GOLGA3: variants seen among roughly 807,000 people sequenced by gnomAD.
GOLGA3 encodes golgin A3.
Under a neutral mutation model 169.4 loss-of-function variants are expected in GOLGA3, and 75 were observed. The ratio of observed to expected loss-of-function variants is 0.44; its 90% CI spans 0.37 to 0.54. GOLGA3 has a LOEUF of 0.54. Among genes scored for constraint, GOLGA3 ranks in the 20% least tolerant of loss-of-function variants. The pLI is 0.00. For missense variants in GOLGA3, 1,899 were observed against 1,930.0 expected, an observed-to-expected ratio of 0.98 and a Z score of 0.30; for synonymous variants, 824 against 822.4, an observed-to-expected ratio of 1.00 and a Z score of -0.03.
intron 11 of GOLGA3, among the ~76,000 whole-genome samples, chr12:132,793,700 A>C (rs1378582651): frequency 7.1e-6 from 1 of 140,388 alleles, no homozygotes; most frequent in African/African-American, 2.8e-5. Context: ...CGGGACCCGC[A>C]CTCGGAGGGC....
intron 4 of GOLGA3, among the ~76,000 whole-genome samples, chr12:132,810,457 A>G (rs1271479216): frequency 6.6e-6 from 1 of 152,196 alleles, no homozygotes; most frequent in Non-Finnish European, 1.5e-5. Flanking sequence ...TAGATCTTAG[A>G]TATGATTATA....
rs771429316 is a variant in GOLGA3 at position 132,773,239 on chromosome 12, C to T, written c.4363G>A (p.Glu1455Lys). 9.0e-6 allele frequency: 14 copies of T among 1,549,568 alleles called. No individual in the cohort carries two copies. The highest frequency in any genetic ancestry group is 1.7e-4 in the Middle Eastern group (1 of 5,764). The change falls in exon 24 of 24, where the codon GAG (glutamate) becomes AAG (lysine). Residue 1455 changes from glutamate (E) to lysine (K), a missense_variant. Coordinates refer to ENST00000450791, the MANE Select transcript of GOLGA3 (RefSeq NM_001389683.1). Reference protein sequence around the residue: ...QMEEHALTVHESLSSWTPLEP... With the variant: ...QMEEHALTVHKSLSSWTPLEP... ...AGCGGCGTCCACGAGGACAGAGACT[C>T]GTGCACCGTCAGGGCGTGCTCCTCC... is the stretch of plus-strand genomic sequence containing the variant.
intron 4 of GOLGA3, among the ~76,000 whole-genome samples, chr12:132,811,277 G>A (rs1949696581): frequency 6.6e-6 from 1 of 152,056 alleles, no homozygotes; most frequent in Non-Finnish European, 1.5e-5. Flanking sequence ...CGCACACAGG[G>A]AGAAAACCCA....
Position 132,808,551 on chromosome 12 carries a change from TGA to T in GOLGA3, c.520-4_520-3del. The T allele has an allele frequency of 6.4e-7, 1 of 1,567,658 alleles. No homozygotes were observed. On this transcript the variant is annotated splice_region_variant and splice_polypyrimidine_tract_variant and intron_variant, in intron 4 of 23. Coordinates refer to ENST00000450791, the MANE Select transcript of GOLGA3 (RefSeq NM_001389683.1). ...CGTTTTGGTTGCAGGTTGACTGGAC[TGA>T]GAAGAAAACAAAAGTACAAAAATTA...
chr12:132,778,249 C>T (rs949964868), intron 18 of GOLGA3, among the ~76,000 whole-genome samples: 2 of 151,932 alleles, frequency 1.3e-5, no homozygotes, highest in African/African-American at 4.8e-5. Flanking sequence ...TGCACTCCAG[C>T]TGGGGTGACA....
chr12:132,782,986 A>C (rs545494203), intron 16 of GOLGA3, among the ~76,000 whole-genome samples: 2 of 152,300 alleles, frequency 1.3e-5, no homozygotes, highest in South Asian at 4.1e-4. Flanking sequence ...TTGGGAGGTC[A>C]GGGGTTTGAG....
At chr12:132,802,077 G>C in intron 7 of GOLGA3, 108 bp from the exon 8 acceptor site, 1 of 818,030 alleles carries the variant, frequency 1.2e-6, no homozygotes. Context: ...GACCAAGAAT[G>C]AGTCAGTTCC....
intron 2 of GOLGA3, among the ~76,000 whole-genome samples, chr12:132,819,063 A>G (rs1950104634): frequency 6.9e-6 from 1 of 144,458 alleles, no homozygotes; most frequent in African/African-American, 2.9e-5. Flanking sequence ...GCCAGTTCAC[A>G]GTCAAAGAAC....
Position 132,769,915 on chromosome 12 carries a change from C to T in GOLGA3, c.*3190G>A, listed in dbSNP as rs894827347. 6.6e-6 allele frequency: 1 copy of T among 152,068 alleles called. No homozygotes were observed. Among genetic ancestry groups the T allele is most frequent in the Non-Finnish European group, 1.5e-5 (1 of 68,000 alleles). The allele number at this position is 152,068 out of a possible 1,614,324, so 9.4% of individuals were successfully genotyped here. A position where few individuals can be genotyped will look rare whatever the true frequency, so the allele number is the denominator to read the frequency against. On this transcript the variant is annotated 3_prime_UTR_variant, in exon 24 of 24. Coordinates refer to ENST00000450791, the MANE Select transcript of GOLGA3 (RefSeq NM_001389683.1). ...GAGAGTCCCTTGGAGATAAAAAAACCTCAACAATAAAAAAAAGCAATTTAA... is the reference window on the plus strand; with the variant it reads ...GAGAGTCCCTTGGAGATAAAAAAACTTCAACAATAAAAAAAAGCAATTTAA...
At chr12:132,799,566 A>G (rs1218058044) in intron 8 of GOLGA3, among the ~76,000 whole-genome samples, 3 of 152,164 alleles carry the variant, frequency 2.0e-5, no homozygotes, top group Non-Finnish European at 4.4e-5. Context: ...TTTGAGCCCA[A>G]CAGGTCAAGG....
intron 1 of GOLGA3, among the ~76,000 whole-genome samples, chr12:132,826,630 G>A (rs754948212): frequency 6.6e-6 from 1 of 152,080 alleles, no homozygotes; most frequent in Non-Finnish European, 1.5e-5. Flanking sequence ...TCACAAAGAC[G>A]GCCCCTCTTT....
chr12:132,798,179 T>TA (rs1555257633), intron 9 of GOLGA3, among the ~76,000 whole-genome samples, 161 bp downstream of exon 9: 1 of 37,774 alleles, frequency 2.6e-5, no homozygotes, highest in Non-Finnish European at 4.6e-5. Flanking sequence ...GGATGAGGGG[T>TA]GGGGGGGGGG....
intron 1 of GOLGA3, among the ~76,000 whole-genome samples, chr12:132,828,066 T>C (rs897975319): frequency 6.6e-6 from 1 of 152,124 alleles, no homozygotes; most frequent in African/African-American, 2.4e-5. Flanking sequence ...TCCTCCGCCC[T>C]CAGGGTCTTC....
At position 132,816,640 on chromosome 12, in the gene GOLGA3, G is replaced by T. The variant is rs1194644836; in HGVS notation, c.306C>A (p.Asp102Glu). The change falls in exon 3 of 24, where the codon GAC becomes GAA. Residue 102 changes from aspartate to glutamate, a missense_variant. Physicochemically the swap from Asp to Glu is conservative, Grantham distance 45 (BLOSUM62 2). Transcript: ENST00000450791. ...TAGTTCCCTGAGACTTCCTTAGGTT[G>T]TCATGGAAACCAGCCACACCTGGAG... ...DASPGVAGFH[D>E]NLRKSQGTSA... 1 of 1,614,148 alleles carries T rather than the reference G, an allele frequency of 6.2e-7. No homozygotes were observed. The highest frequency in any genetic ancestry group is 1.7e-5 in the Admixed American group (1 of 60,026).
chr12:132,808,085 G>C lies in GOLGA3; in HGVS notation c.984C>G (p.Thr328=). 6.3e-7 allele frequency: 1 copy of C among 1,596,726 alleles called. No homozygotes were observed. Among genetic ancestry groups the C allele is most frequent in the Non-Finnish European group, 8.5e-7 (1 of 1,169,918 alleles). The change falls in exon 5 of 24, where the codon ACC becomes ACG. Residue 328 remains threonine (T), a synonymous_variant. Transcript: ENST00000450791. ...CCACTGTCTTCGACAGAATGCCATAGGTCCCTCGGGTGGAGGCGCTGCTGT... is the reference window on the plus strand; with the variant it reads ...CCACTGTCTTCGACAGAATGCCATACGTCCCTCGGGTGGAGGCGCTGCTGT... The part of the protein sequence containing the change: ...SSYSSASTRG[T]YGILSKTVGT...
chr12:132,816,458 G>A, intron 3 of GOLGA3, 82 bp downstream of exon 3: 2 of 1,402,420 alleles, frequency 1.4e-6, no homozygotes, highest in South Asian at 1.3e-5. Context: ...AGCTCAGACA[G>A]TGAGTGCGCA....
intron 4 of GOLGA3, among the ~76,000 whole-genome samples, chr12:132,810,799 G>T (rs112781915): frequency 0.23 from 35,122 of 152,166 alleles, 4,502 homozygotes; most frequent in Non-Finnish European, 0.3. Flanking sequence ...ACCTCTTGTG[G>T]AGGGCCTGAC....
chr12:132,809,374 G>A (rs1390681786), intron 4 of GOLGA3, among the ~76,000 whole-genome samples: 2 of 152,178 alleles, frequency 1.3e-5, no homozygotes, highest in South Asian at 2.1e-4. Context: ...TCCACAAGAG[G>A]TGGAGGAGCA....
chr12:132,777,888 C>T lies in GOLGA3; in HGVS notation c.3583-83G>A. 3 of 1,440,284 alleles carry T rather than the reference C, an allele frequency of 2.1e-6. No individual in the cohort carries two copies. In the South Asian group the frequency reaches 3.9e-5, roughly 19 times the overall value. The allele number at this position is 1,440,284 out of a possible 1,614,324, so 89.2% of individuals were successfully genotyped here. ...GTGCCGGGCGCAGGGGGTGAATGCA[C>T]TCCCGGCCCCGTGCATGTCCTGGCT... On this transcript the variant is annotated intron_variant, in intron 18 of 23. Coordinates refer to ENST00000450791, the MANE Select transcript of GOLGA3 (RefSeq NM_001389683.1). The surrounding 1 kb of genome is among the most constrained non-coding windows in gnomAD (Gnocchi z 4.7).
Sources: allele counts gnomAD v4.1 joint callset (sites outside exome capture counted in the v4.1 genomes callset), GRCh38; gene constraint gnomAD v4.1.1; non-coding constraint Gnocchi (gnomAD v3.1); transcripts MANE v1.5; gene names NCBI Gene and HGNC (gene_info 2026-07-23, HGNC 2026-07-21).